Variants in RAD51B observed in about 807,000 individuals in gnomAD.
The protein encoded by RAD51B is RAD51 paralog B, also known as DNA repair protein RAD51 homolog 2.
RAD51B carries 38 observed loss-of-function variants against 42.2 expected under a neutral mutation model. That is an observed-to-expected ratio of 0.90 (90% confidence interval 0.70 to 1.18). The LOEUF (loss-of-function observed/expected upper bound fraction) is 1.18, where lower values mean the gene tolerates loss of function less well. RAD51B is among the 50% of genes most tolerant of loss of function. The pLI, the probability that RAD51B is intolerant of heterozygous loss-of-function variation, is 0.00. For synonymous variants in RAD51B, 154 were observed against 145.2 expected (o/e 1.06, Z -0.43); for missense variants, 373 against 400.7 (o/e 0.93, Z 0.59).
intron 9 of RAD51B, among the ~76,000 whole-genome samples, chr14:68,445,746 G>C (rs778214403): frequency 6.6e-6 from 1 of 152,150 alleles, no homozygotes; most frequent in East Asian, 1.9e-4. Context: ...TGAGTTTCAA[G>C]TAGTATCATC....
At chr14:68,206,434 A>T (rs1316830661) in intron 7 of RAD51B, among the ~76,000 whole-genome samples, 4 of 152,204 alleles carry the variant, frequency 2.6e-5, no homozygotes, top group Non-Finnish European at 5.9e-5. Context: ...ACTTTATAAG[A>T]TGACTGAAAA....
intron 5 of RAD51B, among the ~76,000 whole-genome samples, chr14:67,874,448 A>G (rs1228521944): frequency 1.3e-5 from 2 of 151,678 alleles, no homozygotes; most frequent in Admixed American, 6.6e-5. Context: ...CCCATCAGCT[A>G]TCATTAGTGT....
intron 10 of RAD51B, among the ~76,000 whole-genome samples, chr14:68,503,859 C>G (rs577525322): frequency 3.3e-4 from 50 of 152,296 alleles, no homozygotes; most frequent in Non-Finnish European, 4.9e-4. Flanking sequence ...AAATCCTGCT[C>G]TGAGGTGCAA....
At chr14:68,584,719 A>C in intron 10 of RAD51B, among the ~76,000 whole-genome samples, 1 of 152,212 alleles carries the variant, frequency 6.6e-6, no homozygotes. Flanking sequence ...CCCCTGCTTT[A>C]TCACCTGTAT....
rs570007282 is a variant in RAD51B at position 68,565,480 on chromosome 14, ACT to A, written c.1037-29002_1037-29001del. Among the ~76,000 whole-genome samples the A allele has an allele frequency of 1.5e-4, 23 of 151,830 alleles. No homozygotes were observed. The East Asian group carries it at 3.5e-3, about 23-fold the overall frequency. On this transcript the variant is annotated intron_variant, in intron 10 of 10. Transcript: ENST00000487270. This position sits in a 1 kb window ranked among gnomAD's most constrained non-coding sequence, Gnocchi z 4.1. ...CTTTAAGAGGAGACTTCAGAGTGAG[ACT>A]CTGTCTCAAAAAAAAAAGAAGTTCT...
intron 7 of RAD51B, among the ~76,000 whole-genome samples, chr14:67,995,907 G>A (rs10139548): frequency 0.24 from 36,090 of 151,842 alleles, 5,013 homozygotes; most frequent in Middle Eastern, 0.39. Context: ...ATGAGCCACC[G>A]CGCCCGGCCT....
intron 10 of RAD51B, among the ~76,000 whole-genome samples, chr14:68,534,949 G>GTTA (rs908784180): frequency 1.3e-4 from 19 of 151,458 alleles, no homozygotes; most frequent in South Asian, 6.2e-4. Flanking sequence ...TATTATTATT[G>GTTA]TTATTATTAT....
intron 7 of RAD51B, among the ~76,000 whole-genome samples, chr14:68,209,648 A>G (rs922025616): frequency 6.6e-6 from 1 of 152,184 alleles, no homozygotes; most frequent in African/African-American, 2.4e-5. Flanking sequence ...TTTTGGGAAG[A>G]TGATTGTAAG....
At chr14:68,226,247 G>A (rs1379320510) in intron 7 of RAD51B, among the ~76,000 whole-genome samples, 1 of 152,116 alleles carries the variant, frequency 6.6e-6, no homozygotes, top group Non-Finnish European at 1.5e-5. Context: ...TAAAATGAGG[G>A]AGCCAACCTA....
intron 3 of RAD51B, among the ~76,000 whole-genome samples, chr14:67,828,076 C>T (rs755439295): frequency 2.0e-5 from 3 of 149,736 alleles, no homozygotes; most frequent in African/African-American, 5.0e-5. Flanking sequence ...CTGTCTTCCA[C>T]GATGGTTGAA....
chr14:68,086,205 C>G (rs530138937), intron 7 of RAD51B, among the ~76,000 whole-genome samples: 135 of 152,276 alleles, frequency 8.9e-4, no homozygotes, highest in Admixed American at 1.8e-3. Flanking sequence ...TGGAGTTGGG[C>G]CGCCCAGAGG....
At chr14:68,468,091 G>C in intron 9 of RAD51B, 81 bp from the exon 10 acceptor site, 1 of 1,179,186 alleles carries the variant, frequency 8.5e-7, no homozygotes, top group Non-Finnish European at 1.3e-6. Flanking sequence ...TTACCACTTT[G>C]TCTCAAAGTG....
chr14:67,973,581 A>G (rs2074937153), intron 7 of RAD51B, among the ~76,000 whole-genome samples: 1 of 152,186 alleles, frequency 6.6e-6, no homozygotes, highest in Non-Finnish European at 1.5e-5. Flanking sequence ...TCCAAACCAC[A>G]TAGGACAAAT....
rs1251220263 is a variant in RAD51B at position 67,885,942 on chromosome 14, A to T, written c.526A>T (p.Lys176Ter). Reference protein sequence around the residue: ...TEEKLLLTSSKVHLYRELTCD... With the variant: ...TEEKLLLTSS The stretch of plus-strand genomic sequence containing the variant: ...AGAAAAGTTACTTTTGACAAGTAGT[A>T]AAGTTCATCTTTATCGGGAACTCAC... Residue 176 changes from lysine (K) to a stop codon, truncating the protein, a stop_gained, in exon 6 of 11, where the codon AAA becomes TAA. Transcript: ENST00000471583. LOFTEE classifies it high-confidence loss of function. 6.2e-7 allele frequency: 1 copy of T among 1,608,298 alleles called. No homozygotes were observed. The highest frequency in any genetic ancestry group is 1.1e-5 in the South Asian group (1 of 90,550).
At chr14:68,095,151 A>G (rs146800521) in intron 7 of RAD51B, among the ~76,000 whole-genome samples, 2,679 of 152,330 alleles carry the variant, frequency 0.018, 32 homozygotes, top group Non-Finnish European at 0.031. Flanking sequence ...CAAAAATTTG[A>G]TGATATACAG....
chr14:67,862,387 G>T (rs2042192061), intron 4 of RAD51B, among the ~76,000 whole-genome samples: 1 of 151,150 alleles, frequency 6.6e-6, no homozygotes, highest in South Asian at 2.1e-4. Context: ...CTGGCTGATG[G>T]TCATACTTCA....
chr14:68,339,373 G>C (rs1024146361), intron 8 of RAD51B: 3 of 1,013,834 alleles, frequency 3.0e-6, no homozygotes, highest in African/African-American at 1.6e-5. Flanking sequence ...TTCACAAAGC[G>C]GGTGAGGTCT....
intron 8 of RAD51B, among the ~76,000 whole-genome samples, chr14:68,329,816 C>T (rs1176714515): frequency 2.0e-5 from 3 of 151,898 alleles, no homozygotes; most frequent in Non-Finnish European, 4.4e-5. Flanking sequence ...CCCGTCTCTA[C>T]TAAAAGTACG....
At chr14:68,534,938 A>ATAT (rs1308262949) in intron 10 of RAD51B, among the ~76,000 whole-genome samples, 1 of 152,010 alleles carries the variant, frequency 6.6e-6, no homozygotes, top group Non-Finnish European at 1.5e-5. Flanking sequence ...TGCTTTATAT[A>ATAT]TATTATTATT....
Sources: allele counts gnomAD v4.1 joint callset (sites outside exome capture counted in the v4.1 genomes callset), GRCh38; gene constraint gnomAD v4.1.1; non-coding constraint Gnocchi (gnomAD v3.1); transcripts MANE v1.5; gene names NCBI Gene and HGNC (gene_info 2026-07-23, HGNC 2026-07-21).